CCDC102B: variants seen among roughly 807,000 people sequenced by gnomAD.
The protein encoded by CCDC102B is coiled-coil domain-containing protein 102B.
Under a neutral mutation model 57.4 loss-of-function variants are expected in CCDC102B, and 75 were observed. That is an observed-to-expected ratio of 1.31 (90% CI 1.08 to 1.58). The LOEUF (loss-of-function observed/expected upper bound fraction) is 1.58. Among genes scored for constraint, CCDC102B ranks in the 40% most tolerant of loss-of-function variants. The probability of loss-of-function intolerance (pLI) is 0.00; values close to 1 mark genes in which losing one functional copy is unlikely to be tolerated. For missense variants in CCDC102B, 636 were observed against 582.6 expected (o/e 1.09, Z -0.94); for synonymous variants, 206 against 201.9 (o/e 1.02, Z -0.17).
chr18:68,859,251 C>T (rs10782032), intron 4 of CCDC102B, among the ~76,000 whole-genome samples: 2 of 124,996 alleles, frequency 1.6e-5, no homozygotes, highest in South Asian at 2.9e-4. Flanking sequence ...TAGCCATATG[C>T]AGAAAGCTGA....
intron 1 of CCDC102B, among the ~76,000 whole-genome samples, chr18:68,816,758 C>G (rs1307882974): frequency 2.0e-5 from 3 of 152,140 alleles, no homozygotes; most frequent in African/African-American, 7.2e-5. Flanking sequence ...GGCACTGCAC[C>G]CAGCCTCCTT....
At chr18:68,937,904 A>C (rs561176443) in intron 6 of CCDC102B, among the ~76,000 whole-genome samples, 26 of 152,164 alleles carry the variant, frequency 1.7e-4, no homozygotes, top group African/African-American at 6.3e-4. Context: ...GATGGTTTCC[A>C]GCTTCATCCA....
intron 4 of CCDC102B, among the ~76,000 whole-genome samples, chr18:68,872,106 G>A (rs1298330885): frequency 2.0e-5 from 3 of 152,136 alleles, no homozygotes; most frequent in Non-Finnish European, 4.4e-5. Context: ...GGATGGTATT[G>A]CCATTTACTG....
intron 4 of CCDC102B, among the ~76,000 whole-genome samples, chr18:68,870,061 T>C (rs923187592): frequency 1.3e-5 from 2 of 152,152 alleles, no homozygotes; most frequent in Non-Finnish European, 2.9e-5. Flanking sequence ...CTGAGGCCTC[T>C]GGAAACCATA....
intron 2 of CCDC102B, among the ~76,000 whole-genome samples, chr18:68,749,850 C>A (rs2033776943): frequency 6.6e-6 from 1 of 152,194 alleles, no homozygotes; most frequent in Non-Finnish European, 1.5e-5. Flanking sequence ...TAGGCAATAC[C>A]ATTCAGGACA....
downstream of CCDC102B, among the ~76,000 whole-genome samples, chr18:69,056,039 C>T (rs1278055752): frequency 2.0e-5 from 3 of 152,056 alleles, no homozygotes; most frequent in African/African-American, 7.2e-5. Context: ...ATGTATCAGG[C>T]ATATTAACTC....
intron 6 of CCDC102B, among the ~76,000 whole-genome samples, chr18:68,998,848 T>A: frequency 6.6e-6 from 1 of 151,908 alleles, no homozygotes; most frequent in Middle Eastern, 3.2e-3. Flanking sequence ...CATCACCCAG[T>A]TCACTGACTC....
intron 2 of CCDC102B, among the ~76,000 whole-genome samples, chr18:68,791,543 T>A (rs1387144966): frequency 6.6e-6 from 1 of 152,128 alleles, no homozygotes; most frequent in Non-Finnish European, 1.5e-5. Flanking sequence ...TTTTTTGTTT[T>A]TATTCCTTAT....
intron 1 of CCDC102B, among the ~76,000 whole-genome samples, chr18:68,807,531 G>A (rs531285520): frequency 6.6e-6 from 1 of 152,140 alleles, no homozygotes; most frequent in African/African-American, 2.4e-5. Flanking sequence ...AACCAAGCAA[G>A]CTTTGAGAAA....
downstream of CCDC102B, among the ~76,000 whole-genome samples, chr18:69,055,799 A>G (rs1170927725): frequency 6.6e-6 from 1 of 152,110 alleles, no homozygotes; most frequent in Non-Finnish European, 1.5e-5. Context: ...ATCTCTAGAT[A>G]AAAACACATA....
intron 7 of CCDC102B, among the ~76,000 whole-genome samples, chr18:69,016,403 C>T (rs936279742): frequency 3.3e-5 from 5 of 152,046 alleles, no homozygotes; most frequent in South Asian, 2.1e-4. Flanking sequence ...TGACTCTCTA[C>T]GCTACAGAAC....
At chr18:68,743,913 G>T (rs1293848475) in intron 2 of CCDC102B, among the ~76,000 whole-genome samples, 1 of 152,170 alleles carries the variant, frequency 6.6e-6, no homozygotes, top group African/African-American at 2.4e-5. Flanking sequence ...AGCGGAAAAA[G>T]AAACTGGGGA....
chr18:68,750,303 G>T (rs1297853066), intron 2 of CCDC102B, among the ~76,000 whole-genome samples: 2 of 152,192 alleles, frequency 1.3e-5, no homozygotes. Flanking sequence ...ACAGGTGCTG[G>T]AGAGGATGTG....
At chr18:68,874,162 GTGTGTGTA>G (rs1387861178) in intron 4 of CCDC102B, among the ~76,000 whole-genome samples, 1,181 of 87,420 alleles carry the variant, frequency 0.014, 18 homozygotes, top group East Asian at 0.08. Flanking sequence ...CCCAAGCAGT[GTGTGTGTA>G]TGTGTGTGTG....
chr18:68,880,613 T>G (rs923653445), intron 5 of CCDC102B, among the ~76,000 whole-genome samples: 1 of 152,228 alleles, frequency 6.6e-6, no homozygotes, highest in Admixed American at 6.5e-5. Flanking sequence ...AACTCTACTT[T>G]CAGGGTGAAT....
intron 6 of CCDC102B, among the ~76,000 whole-genome samples, chr18:68,956,823 C>T (rs928722616): frequency 1.3e-5 from 2 of 150,812 alleles, no homozygotes; most frequent in East Asian, 2.0e-4. Context: ...GCCATTTTAA[C>T]TGGAGGTAAG....
chr18:68,857,017 C>T (rs2038418788), intron 4 of CCDC102B, among the ~76,000 whole-genome samples: 1 of 126,024 alleles, frequency 7.9e-6, no homozygotes, highest in African/African-American at 3.0e-5. Flanking sequence ...TGTCTATTTT[C>T]TTTTAAATAA....
chr18:68,879,168 G>A (rs140662684), intron 5 of CCDC102B, among the ~76,000 whole-genome samples: 16,221 of 150,666 alleles, frequency 0.11, 1,233 homozygotes, highest in South Asian at 0.21. Flanking sequence ...TCTTCGCGGC[G>A]AGTGTTACAG....
rs896103758 is a variant in CCDC102B, at chr18:68,883,226, G to A, written c.1053+8441G>A. Among the ~76,000 whole-genome samples, 6 of 151,886 alleles carry A rather than the reference G, an allele frequency of 4.0e-5. No homozygotes were observed. The East Asian group carries it at 7.8e-4, about 20-fold the overall frequency. ...ATGAGGTCAGGAGTTGGAGACCATG[G>A]TGAAACCCAGTGTCTACTAAAAAAA... On this transcript the variant is annotated intron_variant, in intron 5 of 7. Transcript: ENST00000360242.
Sources: gnomAD v4.1 joint callset for allele counts (sites outside exome capture counted in the v4.1 genomes callset) on GRCh38, gnomAD v4.1.1 for gene constraint, MANE v1.5 for transcripts, NCBI Gene and HGNC (gene_info 2026-07-23, HGNC 2026-07-21) for gene names.